Variants in TBC1D4 observed in about 807,000 individuals in gnomAD.
TBC1D4 encodes the protein TBC (Tre-2, BUB2, CDC16) domain-containing protein.
Under a neutral mutation model 142.5 loss-of-function variants are expected in TBC1D4, and 121 were observed. The ratio of observed to expected loss-of-function variants is 0.85; its 90% CI spans 0.73 to 0.99. TBC1D4 has a LOEUF of 0.99. Among genes scored for constraint, TBC1D4 ranks in the 50% least tolerant of loss-of-function variants. The probability of loss-of-function intolerance (pLI) is 0.00; values close to 1 mark genes in which losing one functional copy is unlikely to be tolerated. For missense variants in TBC1D4, 1,475 were observed against 1,606.6 expected (o/e 0.92, Z 1.40); for synonymous variants, 630 against 628.2 (o/e 1.00, Z -0.04).
At chr13:75,335,074 C>T (rs1880084140) in intron 8 of TBC1D4, among the ~76,000 whole-genome samples, 1 of 152,168 alleles carries the variant, frequency 6.6e-6, no homozygotes, top group South Asian at 2.1e-4. Context: ...ACATCCTCAG[C>T]CTGCTTAGGC....
intron 1 of TBC1D4, among the ~76,000 whole-genome samples, chr13:75,457,960 C>T (rs1887808051): frequency 6.6e-6 from 1 of 152,128 alleles, no homozygotes; most frequent in Non-Finnish European, 1.5e-5. Flanking sequence ...AGGGTAAGCG[C>T]TTTTGGTCTC....
chr13:75,366,628 C>T (rs906775056), intron 1 of TBC1D4, among the ~76,000 whole-genome samples: 1 of 151,256 alleles, frequency 6.6e-6, no homozygotes, highest in Non-Finnish European at 1.5e-5. Flanking sequence ...CTCACTAAAA[C>T]AATTTAGAAT....
chr13:75,381,205 T>C (rs1255378521), intron 1 of TBC1D4, among the ~76,000 whole-genome samples: 1 of 152,198 alleles, frequency 6.6e-6, no homozygotes, highest in Non-Finnish European at 1.5e-5. Context: ...CTCCTCTTCA[T>C]TATCAACTAA....
chr13:75,356,059 T>C, intron 4 of TBC1D4, 88 bp downstream of exon 4: 2 of 947,702 alleles, frequency 2.1e-6, no homozygotes, highest in Non-Finnish European at 3.4e-6. Flanking sequence ...TAGATAGCCA[T>C]ATTGCAAGGC....
Position 75,362,041 on chromosome 13 carries a change from C to G in TBC1D4, c.1065G>C (p.Arg355Ser), listed in dbSNP as rs1882564603. The G allele has an allele frequency of 6.2e-7, 1 of 1,614,122 alleles. No individual in the cohort carries two copies. The highest frequency in any genetic ancestry group is 1.7e-4 in the Middle Eastern group (1 of 6,060). Reference sequence around the variant, plus strand: ...TCAGGTGTACCTGGAAGAGCATGGTCCTGTTCTTCTCCGAGTCCGAGGGCT... The same window carrying G: ...TCAGGTGTACCTGGAAGAGCATGGTGCTGTTCTTCTCCGAGTCCGAGGGCT... Reference protein sequence around the residue: ...HVQPSDSEKNRTMLFQVGRFE... With the variant: ...HVQPSDSEKNSTMLFQVGRFE... Residue 355 changes from arginine (R) to serine (S), a missense_variant, in exon 2 of 21, where the codon AGG becomes AGC. Transcript: ENST00000377636. The surrounding 1 kb of genome is among the most constrained non-coding windows in gnomAD (Gnocchi z 4.2).
chr13:75,440,963 A>T (rs1043365779), intron 1 of TBC1D4, among the ~76,000 whole-genome samples: 22 of 152,148 alleles, frequency 1.4e-4, no homozygotes, highest in African/African-American at 3.9e-4. Context: ...TGATTTTTTT[A>T]AAAAAGAGGA....
Position 75,296,227 on chromosome 13 carries a change from A to C in TBC1D4, c.3157-1214T>G, listed in dbSNP as rs752068041. 3.9e-5 allele frequency among the ~76,000 whole-genome samples: 6 copies of C among 152,076 alleles called. No individual in the cohort carries two copies. In the South Asian group the frequency reaches 1.2e-3, roughly 32 times the overall value. ...AAAGTTTTTTTTTAATGAGATTATTATCTCAAAAAATCATGTTGAAAAAAA... is the reference window on the plus strand; with the variant it reads ...AAAGTTTTTTTTTAATGAGATTATTCTCTCAAAAAATCATGTTGAAAAAAA... On this transcript the variant is annotated intron_variant, in intron 17 of 20. Transcript: ENST00000377636.
intron 1 of TBC1D4, among the ~76,000 whole-genome samples, chr13:75,473,237 A>C (rs548729111): frequency 9.2e-5 from 14 of 152,224 alleles, no homozygotes; most frequent in Non-Finnish European, 1.9e-4. Flanking sequence ...CTGGTCTCAA[A>C]TGATTTGCTT....
At chr13:75,316,598 C>G (rs1169441900) in intron 12 of TBC1D4, 1 of 152,154 alleles carries the variant, frequency 6.6e-6, no homozygotes, top group Non-Finnish European at 1.5e-5. Context: ...AAGTCAAGTT[C>G]CCAATAAACA....
intron 1 of TBC1D4, among the ~76,000 whole-genome samples, chr13:75,449,385 T>C (rs1344744481): frequency 6.6e-6 from 1 of 151,966 alleles, no homozygotes; most frequent in Admixed American, 6.6e-5. Flanking sequence ...AGATTAACAA[T>C]AACAACTAAT....
chr13:75,314,684 G>A (rs566889086), intron 12 of TBC1D4, among the ~76,000 whole-genome samples: 211 of 152,198 alleles, frequency 1.4e-3, no homozygotes, highest in African/African-American at 4.9e-3. Context: ...CTGAGGCAGT[G>A]GCCAGGCACG....
chr13:75,449,926 T>C (rs1355344718), intron 1 of TBC1D4, among the ~76,000 whole-genome samples: 3 of 152,112 alleles, frequency 2.0e-5, no homozygotes, highest in Non-Finnish European at 4.4e-5. Context: ...CATTCTGTAG[T>C]CATTTAGGAG....
chr13:75,408,700 G>A (rs1885455776), intron 1 of TBC1D4, among the ~76,000 whole-genome samples: 1 of 152,078 alleles, frequency 6.6e-6, no homozygotes, highest in Admixed American at 6.5e-5. Context: ...AGTGTATGAG[G>A]ATTCCAATTC....
chr13:75,312,424 AAAAGAAAG>A lies in TBC1D4; in HGVS notation c.2383+306_2383+313del, dbSNP rs375132840. 6.6e-5 allele frequency among the ~76,000 whole-genome samples: 9 copies of A among 136,004 alleles called. 1 individual carries two copies. The highest frequency in any genetic ancestry group is 2.5e-4 in the African/African-American group (8 of 31,400). 89.2% of individuals were successfully genotyped at this position (136,004 alleles called of 152,430 possible). ...CAAGGCCCAATCTCTGGGAAAAAAA[AAAAGAAAG>A]AAAGAAAGAAAGAAAGAAAAAGGAC... On this transcript the variant is annotated intron_variant, in intron 13 of 20. Transcript: ENST00000377636.
chr13:75,341,622 G>C (rs748967415), intron 5 of TBC1D4, 35 bp from the exon 6 acceptor site: 1 of 1,536,456 alleles, frequency 6.5e-7, no homozygotes, highest in South Asian at 1.1e-5. Flanking sequence ...ATTAAACAGA[G>C]TCTAGCAGCA....
intron 1 of TBC1D4, among the ~76,000 whole-genome samples, chr13:75,367,451 T>C (rs1455563398): frequency 6.6e-6 from 1 of 152,214 alleles, no homozygotes; most frequent in East Asian, 1.9e-4. Context: ...TTACAATTGA[T>C]ATAAGCTTCA....
chr13:75,420,252 T>C (rs921377710), intron 1 of TBC1D4, among the ~76,000 whole-genome samples: 1 of 152,194 alleles, frequency 6.6e-6, no homozygotes, highest in African/African-American at 2.4e-5. Flanking sequence ...ATCTCTTATC[T>C]GAGAGACAAT....
At chr13:75,344,152 A>G (rs980912710) in intron 5 of TBC1D4, among the ~76,000 whole-genome samples, 3 of 152,214 alleles carry the variant, frequency 2.0e-5, no homozygotes, top group African/African-American at 7.2e-5. Context: ...CCCGGCCACT[A>G]TCACAATTTA....
At chr13:75,372,302 T>C (rs1883264515) in intron 1 of TBC1D4, among the ~76,000 whole-genome samples, 1 of 151,484 alleles carries the variant, frequency 6.6e-6, no homozygotes, top group Admixed American at 6.6e-5. Flanking sequence ...CAAGTCTCTC[T>C]CTGTCACCCA....
Sources: gnomAD v4.1 joint callset for allele counts (sites outside exome capture counted in the v4.1 genomes callset) on GRCh38, gnomAD v4.1.1 for gene constraint, Gnocchi (gnomAD v3.1) non-coding constraint, MANE v1.5 for transcripts, NCBI Gene and HGNC (gene_info 2026-07-23, HGNC 2026-07-21) for gene names.